BBS4: variants seen among roughly 807,000 people sequenced by gnomAD.
BBS4 encodes the protein BBSome complex member BBS4.
BBS4 carries 58 observed loss-of-function variants against 71.4 expected under a neutral mutation model. The ratio of observed to expected loss-of-function variants is 0.81; its 90% CI spans 0.66 to 1.01. The LOEUF (loss-of-function observed/expected upper bound fraction) is 1.01, where lower values mean the gene tolerates loss of function less well. Among genes scored for constraint, BBS4 ranks in the 50% least tolerant of loss-of-function variants. The probability of loss-of-function intolerance (pLI) is 0.00; values close to 1 mark genes in which losing one functional copy is unlikely to be tolerated. For synonymous variants in BBS4, 228 were observed against 216.8 expected, an observed-to-expected ratio of 1.05 and a Z score of -0.46; for missense variants, 660 against 607.9, an observed-to-expected ratio of 1.09 and a Z score of -0.90.
chr15:72,688,856 A>T (rs1428380997), intron 1 of BBS4, among the ~76,000 whole-genome samples: 1 of 152,226 alleles, frequency 6.6e-6, no homozygotes, highest in Non-Finnish European at 1.5e-5. Context: ...AATGCCCATT[A>T]ATAGGGTAAT....
Position 72,735,851 on chromosome 15 carries a change from ATGCTGTGC to A in BBS4, c.1140_1147del (p.Leu381GlnfsTer26), listed in dbSNP as rs2065911737. 1 of 1,614,054 alleles carries A rather than the reference ATGCTGTGC, an allele frequency of 6.2e-7. No homozygotes were observed. The highest frequency in any genetic ancestry group is 1.3e-5 in the African/African-American group (1 of 74,916). Reference sequence around the variant, plus strand: ...TGTAACCCTTTAGTAAACCTGAACTATGCTGTGCTGCTGTACAACCAGGGCGAGAAGAA... The same window carrying A: ...TGTAACCCTTTAGTAAACCTGAACTATGCTGTACAACCAGGGCGAGAAGAA... On this transcript the variant is annotated frameshift_variant, in exon 14 of 16. Transcript: ENST00000268057. LOFTEE classifies it high-confidence loss of function.
intron 7 of BBS4, among the ~76,000 whole-genome samples, chr15:72,724,000 C>G (rs1173356072): frequency 2.0e-5 from 3 of 152,184 alleles, no homozygotes; most frequent in South Asian, 4.1e-4. Context: ...CTTTTGTTTA[C>G]TAGGAGAAGG....
chr15:72,737,127 T>G (rs765169871), intron 15 of BBS4, 164 bp downstream of exon 15: 19 of 855,934 alleles, frequency 2.2e-5, no homozygotes, highest in Non-Finnish European at 3.2e-5. Context: ...TTGGCACTTG[T>G]TTCCTTAAGG....
chr15:72,708,594 A>G (rs1459580853), intron 2 of BBS4, among the ~76,000 whole-genome samples: 1 of 152,222 alleles, frequency 6.6e-6, no homozygotes, highest in Admixed American at 6.5e-5. Flanking sequence ...GAACAAGGGA[A>G]GACAACCATA....
intron 12 of BBS4, among the ~76,000 whole-genome samples, chr15:72,734,777 C>T (rs1453130814): frequency 6.6e-6 from 1 of 152,018 alleles, no homozygotes; most frequent in Non-Finnish European, 1.5e-5. Flanking sequence ...GTAATGTGGT[C>T]AGATTTGTAA....
At chr15:72,693,371 C>G (rs1441987091) in intron 1 of BBS4, among the ~76,000 whole-genome samples, 1 of 152,132 alleles carries the variant, frequency 6.6e-6, no homozygotes, top group African/African-American at 2.4e-5. Flanking sequence ...CTCTCAAATT[C>G]TGAAAGTTTT....
At chr15:72,686,753 G>A (rs1461177695) in intron 1 of BBS4, 1 of 389,684 alleles carries the variant, frequency 2.6e-6, no homozygotes, top group East Asian at 7.2e-5. Flanking sequence ...TCACTCCACA[G>A]AACTGCTAAT....
rs2065772963 is a variant in BBS4 at position 72,729,620 on chromosome 15, G to A, written c.647G>A (p.Gly216Asp). The A allele has an allele frequency of 3.7e-6, 6 of 1,613,822 alleles. No individual in the cohort carries two copies. Among genetic ancestry groups the A allele is most frequent in the Non-Finnish European group, 5.1e-6 (6 of 1,179,888 alleles). The change falls in exon 10 of 16, where the codon GGC becomes GAC. Residue 216 changes from glycine (G) to aspartate (D), a missense_variant. Coordinates refer to ENST00000268057, the MANE Select transcript of BBS4 (RefSeq NM_033028.5). ...TTLGLLYLQL[G>D]IYQKAFEHLG... ...CTTGTTTGCTTTTTTTCCAAGCTCGGCATTTACCAGAAGGCATTTGAACAT... is the reference window on the plus strand; with the variant it reads ...CTTGTTTGCTTTTTTTCCAAGCTCGACATTTACCAGAAGGCATTTGAACAT...
intron 2 of BBS4, among the ~76,000 whole-genome samples, chr15:72,703,352 A>G (rs1004607721): frequency 6.6e-6 from 1 of 152,168 alleles, no homozygotes; most frequent in Non-Finnish European, 1.5e-5. Context: ...TCTCTGCATT[A>G]AAGTCCTTGT....
intron 4 of BBS4, among the ~76,000 whole-genome samples, chr15:72,712,764 T>C (rs1430088093): frequency 2.0e-5 from 3 of 152,228 alleles, no homozygotes; most frequent in Non-Finnish European, 4.4e-5. Context: ...GACATTATTG[T>C]ATACTAATGT....
intron 7 of BBS4, among the ~76,000 whole-genome samples, chr15:72,724,291 T>G (rs548115307): frequency 8.5e-4 from 129 of 152,316 alleles, no homozygotes; most frequent in African/African-American, 2.9e-3. Flanking sequence ...TCAGAAAGAT[T>G]AATCGTCTTG....
intron 2 of BBS4, among the ~76,000 whole-genome samples, chr15:72,698,485 C>A (rs1330149262): frequency 1.3e-5 from 2 of 152,108 alleles, no homozygotes; most frequent in Non-Finnish European, 2.9e-5. Context: ...GTGAATCATA[C>A]AATATTTGCC....
chr15:72,697,999 T>C (rs1219382480), intron 2 of BBS4: 1 of 456,022 alleles, frequency 2.2e-6, no homozygotes, highest in Non-Finnish European at 4.4e-6. Flanking sequence ...TAGGTGACTT[T>C]CTTCTGGCTT....
intron 3 of BBS4, among the ~76,000 whole-genome samples, chr15:72,711,488 T>C (rs1234107425): frequency 6.6e-6 from 1 of 152,232 alleles, no homozygotes; most frequent in Non-Finnish European, 1.5e-5. Flanking sequence ...CTTTTTCATC[T>C]GTGATAATAC....
In BBS4 at chr15:72,736,930, T is replaced by C. The variant is rs1313584763; in HGVS notation, c.1417T>C (p.Ser473Pro). 1 of 1,614,142 alleles carries C rather than the reference T, an allele frequency of 6.2e-7. No individual in the cohort carries two copies. The highest frequency in any genetic ancestry group is 1.7e-5 in the Admixed American group (1 of 60,020). The change falls in exon 15 of 16, where the codon TCT (serine) becomes CCT (proline). Residue 473 changes from serine to proline, a missense_variant. Transcript: ENST00000268057. Reference sequence around the variant, plus strand: ...TAATCAAGCTCTAGGACAGGCAATGTCTTCAGCAGCTGCATACAGGACGCT... The same window carrying C: ...TAATCAAGCTCTAGGACAGGCAATGCCTTCAGCAGCTGCATACAGGACGCT... ...GSNQALGQAM[S>P]SAAAYRTLPS...
chr15:72,704,730 A>G (rs1335173620), intron 2 of BBS4, among the ~76,000 whole-genome samples: 2 of 152,120 alleles, frequency 1.3e-5, no homozygotes, highest in Non-Finnish European at 2.9e-5. Flanking sequence ...AAATGCAAAA[A>G]TTAGCTGAGC....
intron 1 of BBS4, chr15:72,686,815 T>G (rs1036651820): frequency 2.0e-5 from 7 of 351,122 alleles, no homozygotes; most frequent in African/African-American, 4.3e-5. Context: ...TTTTGAGGCA[T>G]ATATCTATAA....
chr15:72,735,304 A>G, intron 13 of BBS4, 122 bp downstream of exon 13: 1 of 754,214 alleles, frequency 1.3e-6, no homozygotes. Flanking sequence ...GCATTAGTAC[A>G]TAGCAGACCT....
At chr15:72,735,294 GCATTAGTA>G in intron 13 of BBS4, 112 bp downstream of exon 13, 1 of 812,668 alleles carries the variant, frequency 1.2e-6, no homozygotes, top group South Asian at 1.4e-5. Context: ...TTCCTCTATG[GCATTAGTA>G]CATAGCAGAC....
Sources: allele counts gnomAD v4.1 joint callset (sites outside exome capture counted in the v4.1 genomes callset), GRCh38; gene constraint gnomAD v4.1.1; transcripts MANE v1.5; gene names NCBI Gene and HGNC (gene_info 2026-07-23, HGNC 2026-07-21).